Variants in PLEKHG7 observed in about 807,000 individuals in gnomAD.
PLEKHG7 encodes the protein pleckstrin homology and RhoGEF domain containing G7, also known as pleckstrin homology domain-containing family G member 7.
PLEKHG7 carries 77 observed loss-of-function variants against 85.2 expected under a neutral mutation model. The observed-to-expected ratio is 0.90, with a 90% confidence interval of 0.75 to 1.09. The LOEUF is 1.09. Ranked by LOEUF, PLEKHG7 falls within the 50% of genes least tolerant of loss-of-function variation. The probability of loss-of-function intolerance (pLI) is 0.00; values close to 1 mark genes in which losing one functional copy is unlikely to be tolerated. For synonymous variants in PLEKHG7, 301 were observed against 302.4 expected (o/e 1.00, Z 0.05); for missense variants, 777 against 804.3 (o/e 0.97, Z 0.41).
At chr12:92,740,259 G>C (rs1189683592) in intron 7 of PLEKHG7, among the ~76,000 whole-genome samples, 2 of 152,162 alleles carry the variant, frequency 1.3e-5, no homozygotes, top group East Asian at 3.9e-4. Context: ...CTATCTGTAA[G>C]TGAGGATTGT....
intron 9 of PLEKHG7, among the ~76,000 whole-genome samples, chr12:92,743,062 A>G (rs1872415370): frequency 6.6e-6 from 1 of 152,134 alleles, no homozygotes; most frequent in African/African-American, 2.4e-5. Context: ...AAATGTTCTA[A>G]TCAGCCAGGT....
Position 92,762,002 on chromosome 12 carries a change from GTAAA to G in PLEKHG7, c.1716+193_1716+196del, listed in dbSNP as rs61049024. On this transcript the variant is annotated intron_variant, in intron 14 of 16. Coordinates refer to ENST00000344636, the MANE Select transcript of PLEKHG7 (RefSeq NM_001377329.1). The stretch of plus-strand genomic sequence containing the variant: ...GCTTTTTTAGTCATAAAGCTCTGAA[GTAAA>G]TAAATAAATAAATAAATAAATGAAA... Among the ~76,000 whole-genome samples, 863 of 151,828 alleles carry G rather than the reference GTAAA, an allele frequency of 5.7e-3. 3 individuals carry two copies. The highest frequency in any genetic ancestry group is 0.02 in the African/African-American group (808 of 41,378).
rs1158854609 is a variant in PLEKHG7, at chr12:92,761,621, AAGAAGAAAGAAAGAAAGAAAG to A, written c.1637-129_1637-109del. The stretch of plus-strand genomic sequence containing the variant: ...AGAAAGAAAGAAAAAGAAAGAAAGA[AAGAAGAAAGAAAGAAAGAAAG>A]AAAGAAAGAAAGAAAGAAAGAAAGA... On this transcript the variant is annotated intron_variant, in intron 13 of 16. Transcript: ENST00000344636. 2.6e-5 allele frequency: 27 copies of A among 1,028,770 alleles called. No homozygotes were observed. In the African/African-American group the frequency reaches 5.5e-4, roughly 21 times the overall value. The allele number at this position is 1,028,770 out of a possible 1,614,324, so 63.7% of individuals were successfully genotyped here. A position where few individuals can be genotyped will look rare whatever the true frequency, so the allele number is the denominator to read the frequency against.
intron 1 of PLEKHG7, among the ~76,000 whole-genome samples, chr12:92,705,387 T>G (rs1229337703): frequency 6.6e-6 from 1 of 152,224 alleles, no homozygotes; most frequent in Non-Finnish European, 1.5e-5. Context: ...CCTAGAAAAG[T>G]TCTACTAAAA....
At chr12:92,704,382 T>C (rs1871174117) in intron 1 of PLEKHG7, among the ~76,000 whole-genome samples, 1 of 152,206 alleles carries the variant, frequency 6.6e-6, no homozygotes, top group Non-Finnish European at 1.5e-5. Flanking sequence ...ATTTTATCAA[T>C]GGTAGGGAGG....
intron 9 of PLEKHG7, among the ~76,000 whole-genome samples, chr12:92,742,610 C>T (rs1202244739): frequency 8.1e-5 from 11 of 135,488 alleles, no homozygotes; most frequent in Admixed American, 1.5e-4. Flanking sequence ...TTTTTTTAGA[C>T]AGTCTCACTC....
intron 3 of PLEKHG7, among the ~76,000 whole-genome samples, chr12:92,724,896 A>G (rs1264234405): frequency 6.6e-6 from 1 of 152,148 alleles, no homozygotes; most frequent in Non-Finnish European, 1.5e-5. Flanking sequence ...ATAGCAAGAA[A>G]AGGAAAGAGC....
chr12:92,756,469 A>G, intron 13 of PLEKHG7, 78 bp downstream of exon 13: 2 of 1,137,754 alleles, frequency 1.8e-6, no homozygotes, highest in Non-Finnish European at 1.3e-6. Context: ...ATTGAAGAGC[A>G]GGAGGACTTG....
At chr12:92,753,026 C>A (rs1437189935) in intron 10 of PLEKHG7, among the ~76,000 whole-genome samples, 1 of 152,198 alleles carries the variant, frequency 6.6e-6, no homozygotes, top group African/African-American at 2.4e-5. Flanking sequence ...GCCCCACTTC[C>A]TAATGCCGCT....
intron 9 of PLEKHG7, among the ~76,000 whole-genome samples, chr12:92,743,738 T>G (rs1296926286): frequency 2.0e-5 from 3 of 152,130 alleles, no homozygotes; most frequent in African/African-American, 7.2e-5. Context: ...TTTTGTATTC[T>G]TAGTAGAAAC....
At chr12:92,704,776 CT>C (rs1262057195) in intron 1 of PLEKHG7, among the ~76,000 whole-genome samples, 2 of 152,202 alleles carry the variant, frequency 1.3e-5, no homozygotes, top group African/African-American at 2.4e-5. Context: ...TGGGGTCTCA[CT>C]ATGTTGCCCA....
At chr12:92,760,958 T>C (rs1872970620) in intron 13 of PLEKHG7, among the ~76,000 whole-genome samples, 1 of 152,296 alleles carries the variant, frequency 6.6e-6, no homozygotes, top group East Asian at 1.9e-4. Flanking sequence ...ATCTGGAGGC[T>C]GAAAAGTCCC....
Position 92,729,050 on chromosome 12 carries a change from C to A in PLEKHG7, c.588C>A (p.Phe196Leu). ...TGAACTTACCTGGACTTGAGGTGTT[C>A]CCCGGGGACCTTCTGGTGTCAGATG... is the stretch of plus-strand genomic sequence containing the variant. ...VVLNLPGLEV[F>L]PGDLLVSDGA... Residue 196 changes from phenylalanine (F) to leucine (L), a missense_variant, in exon 4 of 17, where the codon TTC becomes TTA. Coordinates refer to ENST00000344636, the MANE Select transcript of PLEKHG7 (RefSeq NM_001377329.1). The A allele has an allele frequency of 1.6e-6, 2 of 1,231,790 alleles. No individual in the cohort carries two copies. The highest frequency in any genetic ancestry group is 2.0e-6 in the Non-Finnish European group (2 of 987,790). The allele number at this position is 1,231,790 out of a possible 1,614,324, so 76.3% of individuals were successfully genotyped here.
At chr12:92,753,016 G>A (rs1872734247) in intron 10 of PLEKHG7, among the ~76,000 whole-genome samples, 1 of 152,148 alleles carries the variant, frequency 6.6e-6, no homozygotes, top group Non-Finnish European at 1.5e-5. Flanking sequence ...CCTCCCAACA[G>A]CCCCACTTCC....
chr12:92,750,066 G>A (rs1177259390), intron 10 of PLEKHG7, among the ~76,000 whole-genome samples: 1 of 146,814 alleles, frequency 6.8e-6, no homozygotes, highest in Non-Finnish European at 1.5e-5. Context: ...GTCTCACTCT[G>A]TCACCCAGGC....
intron 3 of PLEKHG7, among the ~76,000 whole-genome samples, chr12:92,719,644 T>C (rs532096874): frequency 1.3e-5 from 2 of 152,366 alleles, no homozygotes; most frequent in African/African-American, 4.8e-5. Flanking sequence ...AGGGCAGTTG[T>C]ACTTCCCATA....
At chr12:92,733,848 G>A (rs1872061699) in intron 5 of PLEKHG7, among the ~76,000 whole-genome samples, 1 of 152,204 alleles carries the variant, frequency 6.6e-6, no homozygotes, top group African/African-American at 2.4e-5. Context: ...ACACACATGT[G>A]TTGAGCAACT....
At chr12:92,753,265 A>G (rs924739647) in intron 10 of PLEKHG7, among the ~76,000 whole-genome samples, 3 of 152,154 alleles carry the variant, frequency 2.0e-5, no homozygotes, top group Non-Finnish European at 2.9e-5. Context: ...GCTGGCCAGC[A>G]ACCACGTCCA....
intron 7 of PLEKHG7, 147 bp downstream of exon 7, chr12:92,737,668 G>A: frequency 5.1e-5 from 30 of 588,096 alleles, no homozygotes; most frequent in South Asian, 1.7e-4. Flanking sequence ...AAGGAAGGAA[G>A]GAAAGGAAGG....
Sources: gnomAD v4.1 joint callset for allele counts (sites outside exome capture counted in the v4.1 genomes callset) on GRCh38, gnomAD v4.1.1 for gene constraint, MANE v1.5 for transcripts, NCBI Gene and HGNC (gene_info 2026-07-23, HGNC 2026-07-21) for gene names.